Variants in SLC14A2 observed in about 807,000 individuals in gnomAD.
SLC14A2 encodes urea transporter 2.
In SLC14A2, 91 loss-of-function variants were observed where a neutral mutation model predicts 104.6. The observed-to-expected ratio is 0.87, with a 90% CI of 0.73 to 1.04. The LOEUF is 1.04. Ranked by LOEUF, SLC14A2 falls within the 50% of genes least tolerant of loss-of-function variation. The probability of loss-of-function intolerance (pLI) is 0.00; values close to 1 mark genes in which losing one functional copy is unlikely to be tolerated. For synonymous variants in SLC14A2, 476 were observed against 466.4 expected, an observed-to-expected ratio of 1.02 and a Z score of -0.27; for missense variants, 1,189 against 1,156.0, an observed-to-expected ratio of 1.03 and a Z score of -0.41.
rs979349464 is a variant in SLC14A2 at position 45,261,981 on chromosome 18, C to G, written c.-125+48790C>G. On this transcript the variant is annotated intron_variant, in intron 1 of 20. Coordinates refer to the SLC14A2 transcript ENST00000586448. ...AGTTCTAGATCCCTGAGGAATCGCC[C>G]CACTGACTTCCACAATGGTTGAACT... 2.0e-5 allele frequency among the ~76,000 whole-genome samples: 3 copies of G among 152,226 alleles called. No individual in the cohort carries two copies. In the East Asian group the frequency reaches 5.8e-4, roughly 29 times the overall value.
At chr18:45,676,343 A>G (rs999140917) in intron 18 of SLC14A2, among the ~76,000 whole-genome samples, 2 of 152,192 alleles carry the variant, frequency 1.3e-5, no homozygotes, top group Non-Finnish European at 2.9e-5. Flanking sequence ...CCGTGGAGCT[A>G]TAACTTCTGT....
intron 1 of SLC14A2, among the ~76,000 whole-genome samples, chr18:45,251,542 A>G (rs2084423668): frequency 6.6e-6 from 1 of 152,206 alleles, no homozygotes; most frequent in Non-Finnish European, 1.5e-5. Flanking sequence ...AACAACAGAT[A>G]TTTAAAGCAC....
At chr18:45,337,044 C>G (rs2085344811) in intron 1 of SLC14A2, among the ~76,000 whole-genome samples, 2 of 151,616 alleles carry the variant, frequency 1.3e-5, no homozygotes, top group South Asian at 4.2e-4. Context: ...AAAAAAAACC[C>G]CTTAGATTAT....
chr18:45,370,016 G>A (rs1198419222), intron 1 of SLC14A2, among the ~76,000 whole-genome samples: 2 of 152,182 alleles, frequency 1.3e-5, no homozygotes, highest in Non-Finnish European at 2.9e-5. Flanking sequence ...CAGAGCTGTT[G>A]AGGCTCTAGG....
At chr18:45,479,529 G>T (rs1332370891) in intron 1 of SLC14A2, among the ~76,000 whole-genome samples, 1 of 152,060 alleles carries the variant, frequency 6.6e-6, no homozygotes, top group Non-Finnish European at 1.5e-5. Flanking sequence ...CCTTTGTTAT[G>T]TCTTGTCAGC....
chr18:45,567,134 C>G (rs2044278937), intron 2 of SLC14A2, among the ~76,000 whole-genome samples: 1 of 149,530 alleles, frequency 6.7e-6, no homozygotes, highest in Admixed American at 6.7e-5. Context: ...GGGAGCAAGG[C>G]TGACACAGAT....
At chr18:45,279,136 A>T (rs7243509) in intron 1 of SLC14A2, among the ~76,000 whole-genome samples, 62,221 of 152,040 alleles carry the variant, frequency 0.41, 14,822 homozygotes, top group African/African-American at 0.67. Flanking sequence ...TCAGCAGACA[A>T]CTACTGACTG....
At chr18:45,179,588 AC>A in the SLC14A2 span, among the ~76,000 whole-genome samples, 1 of 152,228 alleles carries the variant, frequency 6.6e-6, no homozygotes, top group African/African-American at 2.4e-5. Flanking sequence ...CTGACATCAG[AC>A]CTTTCCTCAG....
intron 1 of SLC14A2, among the ~76,000 whole-genome samples, chr18:45,227,423 A>T (rs759772545): frequency 3.3e-5 from 5 of 152,228 alleles, no homozygotes; most frequent in Non-Finnish European, 5.9e-5. Flanking sequence ...TGTTTCTCAC[A>T]GTTCTGAAGG....
chr18:45,555,262 G>A (rs551944691), intron 2 of SLC14A2, among the ~76,000 whole-genome samples: 1 of 152,124 alleles, frequency 6.6e-6, no homozygotes, highest in African/African-American at 2.4e-5. Context: ...GAGCATTCAT[G>A]GTTTTAATAA....
chr18:45,305,125 G>T (rs1568143755), intron 1 of SLC14A2, among the ~76,000 whole-genome samples: 2 of 152,180 alleles, frequency 1.3e-5, no homozygotes, highest in Non-Finnish European at 2.9e-5. Flanking sequence ...ATGGGATGGG[G>T]CTGGGAAGGC....
chr18:45,233,214 T>C (rs564992093), intron 1 of SLC14A2, among the ~76,000 whole-genome samples: 1 of 152,332 alleles, frequency 6.6e-6, no homozygotes, highest in South Asian at 2.1e-4. Context: ...AACATCTTCC[T>C]GCAACACTGA....
At chr18:45,196,684 AG>A in the SLC14A2 span, among the ~76,000 whole-genome samples, 2 of 152,200 alleles carry the variant, frequency 1.3e-5, no homozygotes, top group African/African-American at 4.8e-5. Flanking sequence ...AGGAAGCCCA[AG>A]CCAGAAGAGT....
chr18:45,375,506 T>C (rs1313846436), intron 1 of SLC14A2, among the ~76,000 whole-genome samples: 6 of 152,202 alleles, frequency 3.9e-5, no homozygotes, highest in African/African-American at 1.4e-4. Flanking sequence ...CTCAACTCAC[T>C]GGCTTCCCCT....
intron 2 of SLC14A2, among the ~76,000 whole-genome samples, chr18:45,595,645 T>C (rs1030849280): frequency 6.6e-6 from 1 of 152,210 alleles, no homozygotes; most frequent in African/African-American, 2.4e-5. Flanking sequence ...TTTCCATGTG[T>C]GCCTGAAACA....
At chr18:45,651,181 A>G (rs1328648495) in intron 10 of SLC14A2, among the ~76,000 whole-genome samples, 2 of 152,158 alleles carry the variant, frequency 1.3e-5, no homozygotes, top group Non-Finnish European at 2.9e-5. Flanking sequence ...AATCATTTGT[A>G]TCTTAGGCCA....
chr18:45,282,215 C>A (rs779771003), intron 1 of SLC14A2, among the ~76,000 whole-genome samples: 2 of 152,098 alleles, frequency 1.3e-5, no homozygotes, highest in Non-Finnish European at 2.9e-5. Context: ...GTCCATCAGG[C>A]CCTTCTTAGT....
intron 2 of SLC14A2, among the ~76,000 whole-genome samples, chr18:45,524,712 G>C (rs972902176): frequency 6.6e-6 from 1 of 152,188 alleles, no homozygotes; most frequent in South Asian, 2.1e-4. Context: ...ACACAGGACC[G>C]TATACGAAAA....
chr18:45,476,081 T>C (rs2087373497), intron 1 of SLC14A2, among the ~76,000 whole-genome samples: 1 of 152,190 alleles, frequency 6.6e-6, no homozygotes. Flanking sequence ...GTATTGATGG[T>C]CTTTACAATT....
Sources: allele counts gnomAD v4.1 joint callset (sites outside exome capture counted in the v4.1 genomes callset), GRCh38; gene constraint gnomAD v4.1.1; transcripts MANE v1.5; gene names NCBI Gene and HGNC (gene_info 2026-07-23, HGNC 2026-07-21).